The following CYP2F1 variants were observed in gnomAD, a reference collection of about 807,000 sequenced individuals.
The protein encoded by CYP2F1 is cytochrome P450 family 2 subfamily F member 1.
Under a neutral mutation model 40.4 loss-of-function variants are expected in CYP2F1, and 33 were observed. The ratio of observed to expected loss-of-function variants is 0.82; its 90% confidence interval spans 0.62 to 1.09. CYP2F1 has a LOEUF of 1.09. Among genes scored for constraint, CYP2F1 ranks in the 50% least tolerant of loss-of-function variants. CYP2F1 has a pLI of 0.00. For synonymous variants in CYP2F1, 235 were observed against 277.2 expected (o/e 0.85, Z 1.51); for missense variants, 566 against 655.7 (o/e 0.86, Z 1.49).
chr19:41,119,723 C>CTCTCTCTCTCTCTATATATA (rs1478574507), intron 3 of CYP2F1, among the ~76,000 whole-genome samples: 10 of 35,814 alleles, frequency 2.8e-4, no homozygotes, highest in Non-Finnish European at 4.2e-4. Context: ...CTCTCTCTCT[C>CTCTCTCTCTCTCTATATATA]TATATATATA....
Position 41,116,464 on chromosome 19 carries a change from G to A in CYP2F1, c.181G>A (p.Glu61Lys), listed in dbSNP as rs747044071. ...MLTSLTKLSK[E>K]YGSMYTVHLG... ...GTCTTCCTACCCTCAGCTGAGCAAG[G>A]AGTATGGCTCCATGTACACAGTGCA... is the stretch of plus-strand genomic sequence containing the variant. The change falls in exon 3 of 10, where the codon GAG becomes AAG. Residue 61 changes from glutamate to lysine, a missense_variant. Around this residue, in one of 5 missense-constraint regions of CYP2F1, gnomAD observed 264 missense variants for 275.7 expected, o/e 0.96. Coordinates refer to ENST00000331105, the MANE Select transcript of CYP2F1 (RefSeq NM_000774.5). 2.5e-6 allele frequency: 4 copies of A among 1,611,300 alleles called. No homozygotes were observed. Among genetic ancestry groups the A allele is most frequent in the East Asian group, 4.5e-5 (2 of 44,842 alleles).
Position 41,116,576 on chromosome 19 carries a change from G to T in CYP2F1, c.293G>T (p.Arg98Leu). 1 of 1,613,994 alleles carries T rather than the reference G, an allele frequency of 6.2e-7. No homozygotes were observed. Among genetic ancestry groups the T allele is most frequent in the Non-Finnish European group, 8.5e-7 (1 of 1,179,974 alleles). The change falls in exon 3 of 10, where the codon CGC becomes CTC. Residue 98 changes from arginine to leucine, a missense_variant. Arg to Leu is a moderately radical substitution (Grantham distance 102). This residue lies in a region of CYP2F1 where 264 missense variants were observed against 275.7 expected (regional missense o/e 0.96). Transcript: ENST00000331105. Reference protein sequence around the residue: ...LVDQGEEFSGRGDYPAFFNFT... With the variant: ...LVDQGEEFSGLGDYPAFFNFT... ...GACCAGGGAGAGGAGTTTAGTGGCC[G>T]CGGTGACTACCCTGCCTTTTTCAAC...
At chr19:41,121,659 G>T (rs774686999) in intron 5 of CYP2F1, 41 bp downstream of exon 5, 9 of 1,553,638 alleles carry the variant, frequency 5.8e-6, no homozygotes, top group Non-Finnish European at 5.3e-6. Flanking sequence ...TGTGGGGTCC[G>T]CAGGATCTAG....
intron 7 of CYP2F1, among the ~76,000 whole-genome samples, chr19:41,124,243 C>CT (rs780104018): frequency 0.081 from 5,350 of 66,168 alleles, 391 homozygotes; most frequent in African/African-American, 0.13. Context: ...TTTTTTTCCT[C>CT]TTCCCCCCCC....
chr19:41,114,570 G>T (rs568349733), intron 1 of CYP2F1, 78 bp downstream of exon 1: 19 of 152,366 alleles, frequency 1.2e-4, no homozygotes, highest in African/African-American at 4.1e-4. Context: ...TCCAATCTCT[G>T]TCTCTGAGAC....
At chr19:41,123,083 A>G (rs762482043) in intron 7 of CYP2F1, 120 bp downstream of exon 7, 4 of 1,221,460 alleles carry the variant, frequency 3.3e-6, no homozygotes, top group Non-Finnish European at 3.5e-6. Context: ...CCAGGATTCC[A>G]CAGCCAAACC....
Position 41,122,077 on chromosome 19 carries a change from C to G in CYP2F1, c.766C>G (p.Leu256Val). ...AHSVHDHQASLDPRSPRDFIQ... is the reference protein window; with the variant it reads ...AHSVHDHQASVDPRSPRDFIQ... ...CAGCGTCCACGACCACCAGGCCTCGCTAGACCCCAGATCTCCCCGGGACTT... is the reference window on the plus strand; with the variant it reads ...CAGCGTCCACGACCACCAGGCCTCGGTAGACCCCAGATCTCCCCGGGACTT... Residue 256 changes from leucine (L) to valine (V), a missense_variant, in exon 6 of 10, where the codon CTA (leucine) becomes GTA (valine). By Grantham distance (32) the Leu-to-Val change is conservative. Transcript: ENST00000331105. 6.2e-7 allele frequency: 1 copy of G among 1,600,354 alleles called. No individual in the cohort carries two copies. Among genetic ancestry groups the G allele is most frequent in the Non-Finnish European group, 8.5e-7 (1 of 1,170,390 alleles).
chr19:41,122,274 G>A, intron 6 of CYP2F1, 141 bp downstream of exon 6: 4 of 820,532 alleles, frequency 4.9e-6, no homozygotes, highest in Non-Finnish European at 7.4e-6. Flanking sequence ...GCCCAGCTGG[G>A]CTGGAGCCAG....
intron 3 of CYP2F1, among the ~76,000 whole-genome samples, chr19:41,119,719 CTCTCTATA>C (rs1250753269): frequency 3.0e-3 from 114 of 38,022 alleles, no homozygotes; most frequent in South Asian, 0.017. Flanking sequence ...CTCTCTCTCT[CTCTCTATA>C]TATATATATA....
In CYP2F1 at chr19:41,116,540, A is replaced by G. The variant is rs2031820025; in HGVS notation, c.257A>G (p.Glu86Gly). ...VVLSGYQAVK[E>G]ALVDQGEEFS... ...CTCAGCGGGTACCAAGCTGTGAAGG[A>G]GGCCCTGGTGGACCAGGGAGAGGAG... The change falls in exon 3 of 10, where the codon GAG (glutamate) becomes GGG (glycine). Residue 86 changes from glutamate (E) to glycine (G), a missense_variant. Physicochemically the swap from Glu to Gly is moderately conservative, Grantham distance 98. Coordinates refer to ENST00000331105, the MANE Select transcript of CYP2F1 (RefSeq NM_000774.5). 3.1e-6 allele frequency: 5 copies of G among 1,613,844 alleles called. No homozygotes were observed. The highest frequency in any genetic ancestry group is 2.2e-5 in the South Asian group (2 of 91,070).
At chr19:41,124,146 C>G (rs1196817514) in intron 7 of CYP2F1, among the ~76,000 whole-genome samples, 2 of 151,808 alleles carry the variant, frequency 1.3e-5, no homozygotes, top group Non-Finnish European at 2.9e-5. Context: ...AAGCCCTGCC[C>G]ACACAACCCA....
rs377760293 is a variant in CYP2F1, at chr19:41,127,982, T to A, written c.1376T>A (p.Leu459Gln). ...ACCGCCATCCTGCAGAGCTTTTCGC[T>A]GCAGCCGCTGGGTGCGCCCGAGGAC... ...YLTAILQSFS[L>Q]QPLGAPEDID... The change falls in exon 10 of 10, where the codon CTG (leucine) becomes CAG (glutamine). Residue 459 changes from leucine (L) to glutamine (Q), a missense_variant. This residue lies in a region of CYP2F1 where 85 missense variants were observed against 84.9 expected (regional missense o/e 1.00). Transcript: ENST00000331105. 113 of 1,613,334 alleles carry A rather than the reference T, an allele frequency of 7.0e-5. No homozygotes were observed. The highest frequency in any genetic ancestry group is 9.4e-5 in the Non-Finnish European group (111 of 1,180,008).
Position 41,116,235 on chromosome 19 carries a change from T to C in CYP2F1, c.47T>C (p.Val16Ala), listed in dbSNP as rs773326407. 6.8e-6 allele frequency: 11 copies of C among 1,614,058 alleles called. No homozygotes were observed. The highest frequency in any genetic ancestry group is 9.3e-6 in the Non-Finnish European group (11 of 1,179,980). ...ATCTTACTCCTGCTCCTGGCTCTCG[T>C]CTGTCTGCTCCTGACCCTAAGCTCA... ...TAILLLLLAL[V>A]CLLLTLSSRD... Residue 16 changes from valine (V) to alanine (A), a missense_variant, in exon 2 of 10, where the codon GTC becomes GCC. Physicochemically the swap from Val to Ala is moderately conservative, Grantham distance 64. Around this residue, in one of 5 missense-constraint regions of CYP2F1, gnomAD observed 264 missense variants for 275.7 expected, o/e 0.96. Coordinates refer to ENST00000331105, the MANE Select transcript of CYP2F1 (RefSeq NM_000774.5).
chr19:41,114,873 G>A (rs1421236456), intron 1 of CYP2F1, among the ~76,000 whole-genome samples: 6 of 142,818 alleles, frequency 4.2e-5, no homozygotes, highest in Middle Eastern at 3.8e-3. Context: ...GGGTTCAAGC[G>A]ATTCTCCTGC....
chr19:41,119,774 CACACACACACAT>C, intron 3 of CYP2F1, among the ~76,000 whole-genome samples: 1 of 135,818 alleles, frequency 7.4e-6, no homozygotes, highest in African/African-American at 2.8e-5. Context: ...CACACACACA[CACACACACACAT>C]ATATATTAGG....
rs191496638 is a variant in CYP2F1 at position 41,116,715 on chromosome 19, G to A, written c.334+98G>A. The A allele has an allele frequency of 2.2e-6, 3 of 1,351,016 alleles. No individual in the cohort carries two copies. The South Asian group carries it at 3.8e-5, about 17-fold the overall frequency. 83.7% of individuals were successfully genotyped at this position (1,351,016 alleles called of 1,614,324 possible). A position where few individuals can be genotyped will look rare whatever the true frequency, so the allele number is the denominator to read the frequency against. ...TTGTCTCAATCTTGTTGACACTCAG[G>A]GCTGCTGACATCACTGATGACACCA... On this transcript the variant is annotated intron_variant, in intron 3 of 9. Coordinates refer to ENST00000331105, the MANE Select transcript of CYP2F1 (RefSeq NM_000774.5).
intron 9 of CYP2F1, among the ~76,000 whole-genome samples, chr19:41,127,370 C>A (rs754528057): frequency 3.3e-5 from 5 of 152,156 alleles, no homozygotes; most frequent in African/African-American, 7.2e-5. Flanking sequence ...CAGGGTCTTG[C>A]TGTCACCCAG....
chr19:41,124,184 T>A lies in CYP2F1; in HGVS notation c.965-535T>A, dbSNP rs1219625336. On this transcript the variant is annotated intron_variant, in intron 7 of 9. Transcript: ENST00000331105. ...ACTCAGGCCCTTGCACAAGCCAAGC[T>A]TTCGCCCTCACTGACCCACTTCCTC... is the stretch of plus-strand genomic sequence containing the variant. Among the ~76,000 whole-genome samples, 3 of 149,450 alleles carry A rather than the reference T, an allele frequency of 2.0e-5. No homozygotes were observed. In the East Asian group the frequency reaches 5.9e-4, roughly 29 times the overall value.
At chr19:41,119,939 G>A (rs1424897417) in intron 3 of CYP2F1, among the ~76,000 whole-genome samples, 10 of 151,180 alleles carry the variant, frequency 6.6e-5, no homozygotes, top group East Asian at 1.9e-4. Flanking sequence ...AGACTGTGTC[G>A]CAAAAAATAA....
Sources: allele counts gnomAD v4.1 joint callset (sites outside exome capture counted in the v4.1 genomes callset), GRCh38; gene constraint gnomAD v4.1.1; regional missense constraint gnomAD v4.1.1; transcripts MANE v1.5; gene names NCBI Gene and HGNC (gene_info 2026-07-23, HGNC 2026-07-21).